The following HECW1 variants were observed in gnomAD, a reference collection of about 807,000 sequenced individuals.
The protein encoded by HECW1 is HECT, C2 and WW domain containing E3 ubiquitin protein ligase 1, also known as E3 ubiquitin-protein ligase HECW1.
In HECW1, 61 loss-of-function variants were observed where a neutral mutation model predicts 182.3. The observed-to-expected ratio is 0.33, with a 90% confidence interval of 0.27 to 0.41. HECW1 has a LOEUF of 0.41. HECW1 is among the 10% of genes least tolerant of loss of function. The pLI is 1.00. For missense variants in HECW1, 1,739 were observed against 2,108.9 expected, an observed-to-expected ratio of 0.82 and a Z score of 3.44; for synonymous variants, 859 against 832.6, an observed-to-expected ratio of 1.03 and a Z score of -0.55.
chr7:43,117,258 A>G (rs1198993754), intron 2 of HECW1, among the ~76,000 whole-genome samples: 1 of 152,208 alleles, frequency 6.6e-6, no homozygotes, highest in African/African-American at 2.4e-5. Flanking sequence ...TCACAGCTGA[A>G]TAACTCTTAT....
intron 17 of HECW1, among the ~76,000 whole-genome samples, chr7:43,491,569 G>A (rs1296730894): frequency 3.3e-5 from 5 of 152,078 alleles, no homozygotes; most frequent in African/African-American, 1.2e-4. Flanking sequence ...GCTATTCAGT[G>A]TATTAATTTG....
At chr7:43,523,235 C>T (rs938147134) in intron 24 of HECW1, 6 of 235,030 alleles carry the variant, frequency 2.6e-5, no homozygotes, top group Non-Finnish European at 5.3e-5. Flanking sequence ...GAACTCCTGA[C>T]CTCAGTTGAT....
chr7:43,311,769 T>C lies in HECW1; in HGVS notation c.34T>C (p.Tyr12His). The change falls in exon 4 of 30, where the codon TAC becomes CAC. Residue 12 changes from tyrosine to histidine, a missense_variant. Tyr to His is a moderately conservative substitution (Grantham distance 83, BLOSUM62 2). Around this residue, in one of 5 missense-constraint regions of HECW1, gnomAD observed 279 missense variants for 353.1 expected, o/e 0.79. Coordinates refer to ENST00000395891, the MANE Select transcript of HECW1 (RefSeq NM_015052.5). ...LLHLCSVKNL[Y>H]QNRFLGLAAM... The stretch of plus-strand genomic sequence containing the variant: ...TGTCTCTTTGCTCCCACAGAATCTG[T>C]ACCAGAACAGGTTTTTAGGCCTGGC... 6.2e-7 allele frequency: 1 copy of C among 1,613,886 alleles called. No homozygotes were observed. Among genetic ancestry groups the C allele is most frequent in the Non-Finnish European group, 8.5e-7 (1 of 1,179,858 alleles).
At chr7:43,536,233 T>C (rs1009996952) in intron 24 of HECW1, among the ~76,000 whole-genome samples, 1 of 152,226 alleles carries the variant, frequency 6.6e-6, no homozygotes, top group African/African-American at 2.4e-5. Context: ...CATCTCTAAT[T>C]GATAAATAAA....
At chr7:43,476,455 A>G (rs1016382993) in intron 16 of HECW1, among the ~76,000 whole-genome samples, 1 of 152,214 alleles carries the variant, frequency 6.6e-6, no homozygotes, top group Admixed American at 6.5e-5. Flanking sequence ...GCAGTCTCAA[A>G]GTGATTCTAA....
chr7:43,460,370 A>G (rs2077540290), intron 13 of HECW1, among the ~76,000 whole-genome samples: 1 of 152,196 alleles, frequency 6.6e-6, no homozygotes, highest in Non-Finnish European at 1.5e-5. Flanking sequence ...GCAAGGGTCA[A>G]CTTGTTTTCC....
intron 19 of HECW1, among the ~76,000 whole-genome samples, chr7:43,498,007 C>A (rs907738224): frequency 6.6e-6 from 1 of 152,080 alleles, no homozygotes; most frequent in African/African-American, 2.4e-5. Context: ...GGAGTTCTCC[C>A]GATGGTCAAG....
chr7:43,527,383 C>T (rs896295514), intron 24 of HECW1, among the ~76,000 whole-genome samples: 4 of 151,866 alleles, frequency 2.6e-5, no homozygotes, highest in African/African-American at 9.7e-5. Context: ...AGGGGAGACC[C>T]TTTTTTTACC....
chr7:43,399,652 C>G (rs1418980337), intron 7 of HECW1, among the ~76,000 whole-genome samples: 1 of 152,116 alleles, frequency 6.6e-6, no homozygotes, highest in Non-Finnish European at 1.5e-5. Context: ...ACAGACCTAC[C>G]AGAGGAGGAA....
chr7:43,412,352 T>C (rs1282764237), intron 8 of HECW1, among the ~76,000 whole-genome samples: 2 of 152,012 alleles, frequency 1.3e-5, no homozygotes, highest in Non-Finnish European at 2.9e-5. Context: ...ATGTGTATTT[T>C]AAAGAAACTA....
At chr7:43,131,980 C>A (rs933216827) in intron 2 of HECW1, among the ~76,000 whole-genome samples, 4 of 152,212 alleles carry the variant, frequency 2.6e-5, no homozygotes, top group African/African-American at 7.2e-5. Context: ...GCCTGGGTTA[C>A]AAGGGCATCG....
intron 17 of HECW1, among the ~76,000 whole-genome samples, chr7:43,488,335 GAA>G (rs1158576972): frequency 8.7e-4 from 6 of 6,896 alleles, no homozygotes; most frequent in African/African-American, 2.9e-3. Context: ...AGGAAGGAAG[GAA>G]GGAAGGAAGG....
chr7:43,553,530 G>C (rs986046426), intron 28 of HECW1, among the ~76,000 whole-genome samples: 2 of 151,994 alleles, frequency 1.3e-5, no homozygotes, highest in Non-Finnish European at 2.9e-5. Flanking sequence ...TTAGCCAGGT[G>C]TGGTGGCACA....
In HECW1 at chr7:43,507,127, C is replaced by T; in HGVS notation, c.3632-10C>T. 1 of 1,612,402 alleles carries T rather than the reference C, an allele frequency of 6.2e-7. No homozygotes were observed. The highest frequency in any genetic ancestry group is 1.7e-4 in the Middle Eastern group (1 of 6,044). On this transcript the variant is annotated splice_polypyrimidine_tract_variant and intron_variant, in intron 21 of 29. Coordinates refer to ENST00000395891, the MANE Select transcript of HECW1 (RefSeq NM_015052.5). ...AGAAAGTGATGACCTCTGTGTGCTT[C>T]TCTCTGCAGGTTTACAGAGAGCCAG...
intron 2 of HECW1, among the ~76,000 whole-genome samples, chr7:43,197,125 C>T (rs373755256): frequency 6.6e-6 from 1 of 151,966 alleles, no homozygotes; most frequent in African/African-American, 2.4e-5. Context: ...GCACCTTTCT[C>T]TAAGGTGATG....
chr7:43,246,508 C>T (rs1268964579), intron 3 of HECW1, among the ~76,000 whole-genome samples: 1 of 152,100 alleles, frequency 6.6e-6, no homozygotes, highest in African/African-American at 2.4e-5. Flanking sequence ...TGTGTAGTTG[C>T]ACACTGAAAA....
intron 2 of HECW1, among the ~76,000 whole-genome samples, chr7:43,141,947 A>C (rs1008554076): frequency 6.6e-6 from 1 of 152,202 alleles, no homozygotes; most frequent in Non-Finnish European, 1.5e-5. Flanking sequence ...ACTGGCTCTA[A>C]TTTAGGCTTT....
Position 43,445,468 on chromosome 7 carries a change from G to T in HECW1, c.2296G>T (p.Ala766Ser), listed in dbSNP as rs953667034. The T allele has an allele frequency of 1.9e-6, 3 of 1,612,612 alleles. No homozygotes were observed. Among genetic ancestry groups the T allele is most frequent in the Non-Finnish European group, 2.5e-6 (3 of 1,179,590 alleles). ...GCTGGACCCGGAGTCCACGAACGGC[G>T]CTGGGCCGTGGCAAGACGAGCTGGC... ...PELDPESTNG[A>S]GPWQDELAAP... The change falls in exon 11 of 30, where the codon GCT becomes TCT. Residue 766 changes from alanine (A) to serine (S), a missense_variant. This residue lies in a region of HECW1 where 971 missense variants were observed against 1,029.1 expected (regional missense o/e 0.94). Coordinates refer to ENST00000395891, the MANE Select transcript of HECW1 (RefSeq NM_015052.5).
chr7:43,523,704 T>C (rs1006894226), intron 24 of HECW1, among the ~76,000 whole-genome samples: 2 of 152,074 alleles, frequency 1.3e-5, no homozygotes, highest in Admixed American at 6.5e-5. Flanking sequence ...CAAGTGTAGA[T>C]TGCAGATGTA....
Sources: allele counts gnomAD v4.1 joint callset (sites outside exome capture counted in the v4.1 genomes callset), GRCh38; gene constraint gnomAD v4.1.1; regional missense constraint gnomAD v4.1.1; transcripts MANE v1.5; gene names NCBI Gene and HGNC (gene_info 2026-07-23, HGNC 2026-07-21).